HIVEP3: variants seen among roughly 807,000 people sequenced by gnomAD.
The protein encoded by HIVEP3 is HIVEP zinc finger 3.
In HIVEP3, 49 loss-of-function variants were observed where a neutral mutation model predicts 152.8. The ratio of observed to expected loss-of-function variants is 0.32; its 90% CI spans 0.26 to 0.41. HIVEP3 has a LOEUF of 0.41. HIVEP3 is among the 10% of genes least tolerant of loss of function. HIVEP3 has a pLI of 1.00. For missense variants in HIVEP3, 2,790 were observed against 3,103.3 expected (o/e 0.90, Z 2.40); for synonymous variants, 1,269 against 1,289.0 (o/e 0.98, Z 0.33).
intron 2 of HIVEP3, among the ~76,000 whole-genome samples, chr1:41,677,421 C>T (rs558479777): frequency 4.7e-4 from 71 of 152,228 alleles, no homozygotes; most frequent in Non-Finnish European, 8.5e-4. Context: ...CGTGCACCAG[C>T]GGTGTGACAT....
chr1:41,754,379 T>A (rs1647225425), intron 1 of HIVEP3, among the ~76,000 whole-genome samples: 1 of 152,196 alleles, frequency 6.6e-6, no homozygotes, highest in African/African-American at 2.4e-5. Context: ...ATTGCAATGC[T>A]GTTGGGAGGC....
At chr1:41,731,579 C>T (rs1189745110) in intron 1 of HIVEP3, among the ~76,000 whole-genome samples, 1 of 152,218 alleles carries the variant, frequency 6.6e-6, no homozygotes, top group Non-Finnish European at 1.5e-5. Context: ...TGGCTTCTAC[C>T]TTGCTCTCTC....
At chr1:41,919,810 G>T (rs958620334), upstream of HIVEP3, among the ~76,000 whole-genome samples, 21 of 152,130 alleles carry the variant, frequency 1.4e-4, no homozygotes, top group African/African-American at 4.8e-4. Flanking sequence ...AAGAGGTAGC[G>T]CTGAGAAGAA....
chr1:41,955,641 G>A (rs1432327779), intron 1 of HIVEP3, among the ~76,000 whole-genome samples: 1 of 152,202 alleles, frequency 6.6e-6, no homozygotes, highest in Non-Finnish European at 1.5e-5. Flanking sequence ...CTTAACCACA[G>A]TAATCCACCC....
At chr1:41,549,445 CCA>C (rs1412471624) in intron 5 of HIVEP3, among the ~76,000 whole-genome samples, 4 of 152,188 alleles carry the variant, frequency 2.6e-5, no homozygotes, top group African/African-American at 9.7e-5. Flanking sequence ...TGAGGAATTA[CCA>C]CACTCTCTTC....
At chr1:41,551,714 C>T (rs1050754613) in intron 5 of HIVEP3, among the ~76,000 whole-genome samples, 4 of 152,186 alleles carry the variant, frequency 2.6e-5, no homozygotes, top group Non-Finnish European at 5.9e-5. Flanking sequence ...TCTGTGGGAT[C>T]AGTGGTGATA....
intron 5 of HIVEP3, among the ~76,000 whole-genome samples, chr1:41,548,604 C>A (rs531732413): frequency 6.6e-6 from 1 of 151,792 alleles, no homozygotes; most frequent in South Asian, 2.1e-4. Flanking sequence ...GGCCCGATAT[C>A]GGCTCATTGC....
chr1:41,698,403 G>T (rs1421507627), intron 2 of HIVEP3, among the ~76,000 whole-genome samples: 5 of 152,164 alleles, frequency 3.3e-5, no homozygotes, highest in African/African-American at 1.2e-4. Flanking sequence ...GCATTTGCAG[G>T]TAATGTGTGC....
chr1:41,745,608 C>A (rs1647059686), intron 1 of HIVEP3, among the ~76,000 whole-genome samples: 1 of 152,206 alleles, frequency 6.6e-6, no homozygotes, highest in African/African-American at 2.4e-5. Flanking sequence ...TCGTGACTTG[C>A]TATAGACATA....
chr1:41,648,216 C>G (rs551406108), intron 2 of HIVEP3, among the ~76,000 whole-genome samples: 1 of 152,352 alleles, frequency 6.6e-6, no homozygotes, highest in South Asian at 2.1e-4. Flanking sequence ...TGGGAAATGT[C>G]CTCCACGACT....
intron 1 of HIVEP3, among the ~76,000 whole-genome samples, chr1:41,714,541 T>A (rs1646561534): frequency 6.6e-6 from 1 of 152,188 alleles, no homozygotes; most frequent in Admixed American, 6.5e-5. Flanking sequence ...TGTTTGCTGA[T>A]TCCAGAACAC....
At chr1:41,540,028 T>C (rs1643489847) in intron 5 of HIVEP3, among the ~76,000 whole-genome samples, 1 of 152,158 alleles carries the variant, frequency 6.6e-6, no homozygotes, top group South Asian at 2.1e-4. Flanking sequence ...GCTCTAAAAT[T>C]CAGCCAGCGT....
chr1:41,515,501 G>C (rs1162168940), intron 7 of HIVEP3, among the ~76,000 whole-genome samples: 1 of 151,550 alleles, frequency 6.6e-6, no homozygotes, highest in Non-Finnish European at 1.5e-5. Flanking sequence ...CCTTGCCTAG[G>C]ACTTTGGGAG....
At chr1:41,560,415 G>A (rs560356676) in intron 5 of HIVEP3, among the ~76,000 whole-genome samples, 2 of 152,264 alleles carry the variant, frequency 1.3e-5, no homozygotes, top group East Asian at 3.9e-4. Flanking sequence ...GGGGTTGGGG[G>A]CAGAGTACCA....
At chr1:41,632,113 C>T (rs1326664228) in intron 2 of HIVEP3, among the ~76,000 whole-genome samples, 1 of 152,224 alleles carries the variant, frequency 6.6e-6, no homozygotes. Flanking sequence ...ATCCACTGTG[C>T]TCAGCCACGG....
chr1:41,612,393 T>A (rs1385400745), intron 3 of HIVEP3, among the ~76,000 whole-genome samples: 1 of 152,202 alleles, frequency 6.6e-6, no homozygotes, highest in South Asian at 2.1e-4. Flanking sequence ...TCATTTAATT[T>A]CACCCAAGTT....
intron 1 of HIVEP3, among the ~76,000 whole-genome samples, chr1:41,842,142 T>C (rs756358685): frequency 3.3e-5 from 5 of 152,026 alleles, no homozygotes; most frequent in Non-Finnish European, 4.4e-5. Flanking sequence ...ACCTAGTATA[T>C]AGTAAGCACT....
At chr1:41,688,454 TC>T (rs1646145526) in intron 2 of HIVEP3, among the ~76,000 whole-genome samples, 1 of 152,348 alleles carries the variant, frequency 6.6e-6, no homozygotes, top group Admixed American at 6.5e-5. Flanking sequence ...CATCGGTCCC[TC>T]CCCAGCCCTC....
Position 42,006,779 on chromosome 1 carries a change from T to C in HIVEP3, n.119+29028A>G, listed in dbSNP as rs77188579. Among the ~76,000 whole-genome samples, 334 of 152,314 alleles carry C rather than the reference T, an allele frequency of 2.2e-3. 10 individuals carry two copies. The East Asian group carries it at 0.056, about 25-fold the overall frequency. ...AAAGGCAAATTGCATCTTAGTATTA[T>C]TATAAAAGTATTTTTGACCTCATGG... On this transcript the variant is annotated intron_variant and non_coding_transcript_variant, in intron 1 of 3. Transcript: ENST00000489103.
Sources: gnomAD v4.1 joint callset for allele counts (sites outside exome capture counted in the v4.1 genomes callset) on GRCh38, gnomAD v4.1.1 for gene constraint, MANE v1.5 for transcripts, NCBI Gene and HGNC (gene_info 2026-07-23, HGNC 2026-07-21) for gene names.